Variants in CAPN5 observed in about 807,000 individuals in gnomAD.
The protein encoded by CAPN5 is calpain-5.
Under a neutral mutation model 73.0 loss-of-function variants are expected in CAPN5, and 54 were observed. That is an observed-to-expected ratio of 0.74 (90% CI 0.59 to 0.93). CAPN5 has a LOEUF of 0.93. Among genes scored for constraint, CAPN5 ranks in the 40% least tolerant of loss-of-function variants. CAPN5 has a pLI of 0.00. For synonymous variants in CAPN5, 335 were observed against 356.9 expected (o/e 0.94, Z 0.69); for missense variants, 785 against 882.9 (o/e 0.89, Z 1.41).
rs1451644184 is a variant in CAPN5 at position 77,124,903 on chromosome 11, C to G, written c.*1033C>G. ...CCACAGCCCCCCACCAACATTCCCC[C>G]AAAATGCAGCCTAGGAGGCCGCAGT... On this transcript the variant is annotated 3_prime_UTR_variant, in exon 13 of 13. Transcript: ENST00000648180. The G allele has an allele frequency of 1.9e-5, 3 of 153,846 alleles. No homozygotes were observed. The highest frequency in any genetic ancestry group is 4.8e-5 in the African/African-American group (2 of 41,496). The allele number at this position is 153,846 out of a possible 1,614,324, so 9.5% of individuals were successfully genotyped here.
At position 77,123,588 on chromosome 11, in the gene CAPN5, C is replaced by T. The variant is rs147258615; in HGVS notation, c.1741-100C>T. ...GGCCCCCGATCCTCAGCCAGGCTTG[C>T]ACTTCAAGGCCCTGCCACCACCACC... On this transcript the variant is annotated intron_variant, in intron 12 of 12. Coordinates refer to ENST00000648180, the MANE Select transcript of CAPN5 (RefSeq NM_004055.5). 1.1e-3 allele frequency: 1,098 copies of T among 987,806 alleles called. 12 individuals are homozygous for T. The African/African-American group carries it at 0.016, about 14-fold the overall frequency. 61.2% of individuals were successfully genotyped at this position (987,806 alleles called of 1,614,324 possible). A position where few individuals can be genotyped will look rare whatever the true frequency, so the allele number is the denominator to read the frequency against.
intron 3 of CAPN5, among the ~76,000 whole-genome samples, chr11:77,099,575 C>T (rs1262350643): frequency 2.0e-5 from 3 of 151,960 alleles, no homozygotes; most frequent in Non-Finnish European, 4.4e-5. Context: ...CAAAACCAGT[C>T]AGGCGTGGTG....
At chr11:77,122,787 GT>G in intron 12 of CAPN5, 75 bp downstream of exon 12, 1 of 1,589,034 alleles carries the variant, frequency 6.3e-7, no homozygotes, top group African/African-American at 1.3e-5. Flanking sequence ...ACAAGCCCAG[GT>G]GGAAGACCCT....
At chr11:77,107,596 G>T (rs2135466483) in intron 3 of CAPN5, among the ~76,000 whole-genome samples, 1 of 152,286 alleles carries the variant, frequency 6.6e-6, no homozygotes, top group South Asian at 2.1e-4. Flanking sequence ...GGGTCTAGGT[G>T]GGAGTCTCCA....
At chr11:77,085,493 G>A (rs539196139) in intron 2 of CAPN5, among the ~76,000 whole-genome samples, 17 of 152,246 alleles carry the variant, frequency 1.1e-4, no homozygotes, top group Non-Finnish European at 2.1e-4. Context: ...TTATTATGAT[G>A]ATTAATCAAT....
intron 3 of CAPN5, among the ~76,000 whole-genome samples, chr11:77,101,232 G>A (rs533163596): frequency 2.0e-5 from 3 of 152,278 alleles, no homozygotes; most frequent in Admixed American, 2.0e-4. Flanking sequence ...CTAGAGTAAT[G>A]ACAAGACACA....
At chr11:77,068,669 G>C (rs986646511) in intron 1 of CAPN5, among the ~76,000 whole-genome samples, 26 of 152,200 alleles carry the variant, frequency 1.7e-4, no homozygotes, top group Non-Finnish European at 2.1e-4. Context: ...GGAGGCCAAA[G>C]CAGGGAGAGG....
At chr11:77,119,001 T>TCC (rs1555042225) in intron 8 of CAPN5, 29 bp from the exon 9 acceptor site, 13 of 1,572,704 alleles carry the variant, frequency 8.3e-6, no homozygotes, top group South Asian at 4.6e-5. Flanking sequence ...CATTGCAGTG[T>TCC]CTCTCTCTCT....
At chr11:77,117,968 G>A (rs1950484522) in intron 7 of CAPN5, among the ~76,000 whole-genome samples, 189 bp from the exon 8 acceptor site, 1 of 152,220 alleles carries the variant, frequency 6.6e-6, no homozygotes, top group Non-Finnish European at 1.5e-5. Flanking sequence ...GAGGAAACAG[G>A]TCAAAAGAGA....
chr11:77,120,840 C>A lies in CAPN5; in HGVS notation c.1418C>A (p.Thr473Lys). ...QPEGRYVIIP[T>K]TFEPGHTGEF... The stretch of plus-strand genomic sequence containing the variant: ...GAGGGCCGCTATGTCATCATCCCCA[C>A]AACCTTCGAGCCAGGCCACACTGGC... Residue 473 changes from threonine (T) to lysine (K), a missense_variant, in exon 10 of 13, where the codon ACA (threonine) becomes AAA (lysine). Transcript: ENST00000648180. 6.2e-7 allele frequency: 1 copy of A among 1,614,204 alleles called. No individual in the cohort carries two copies.
At position 77,123,814 on chromosome 11, in the gene CAPN5, C is replaced by T. The variant is rs139133645; in HGVS notation, c.1867C>T (p.Leu623=). The change falls in exon 13 of 13, where the codon CTG becomes TTG. Residue 623 remains leucine (L), a synonymous_variant. Transcript: ENST00000648180. ...RDRNSRQPSN[L]PGTVAVHILS... ...CCGAAATAGCCGGCAGCCCAGCAACCTGCCAGGCACTGTGGCCGTGCACAT... is the reference window on the plus strand; with the variant it reads ...CCGAAATAGCCGGCAGCCCAGCAACTTGCCAGGCACTGTGGCCGTGCACAT... 1 of 1,613,930 alleles carries T rather than the reference C, an allele frequency of 6.2e-7. No homozygotes were observed. The highest frequency in any genetic ancestry group is 1.1e-5 in the South Asian group (1 of 91,070).
rs552456082 is a variant in CAPN5, at chr11:77,067,524, C to T, written c.-36+430C>T. ...CTTCTGGGTGCTCCACCACCCAGGC[C>T]TGGGGAAGGGGCAGGGCCGAGGCTC... On this transcript the variant is annotated intron_variant, in intron 1 of 12. Transcript: ENST00000648180. Among the ~76,000 whole-genome samples, 1,475 of 152,136 alleles carry T rather than the reference C, an allele frequency of 9.7e-3. 20 individuals are homozygous for T. Among genetic ancestry groups the T allele is most frequent in the African/African-American group, 0.034 (1,399 of 41,488 alleles).
In CAPN5 at chr11:77,084,830, GTCT is replaced by G. The variant is rs1383140181; in HGVS notation, c.-35-17_-35-15del. 17 of 1,608,366 alleles carry G rather than the reference GTCT, an allele frequency of 1.1e-5. No homozygotes were observed. The highest frequency in any genetic ancestry group is 1.4e-5 in the Non-Finnish European group (17 of 1,176,068). On this transcript the variant is annotated intron_variant, in intron 1 of 12. Coordinates refer to ENST00000648180, the MANE Select transcript of CAPN5 (RefSeq NM_004055.5). ...GGACCCAGGGACTCTGTGAGTGACC[GTCT>G]TCTTGCCTTCCTGTCCAGGTGTTCC...
chr11:77,124,106 C>A lies in CAPN5; in HGVS notation c.*236C>A. On this transcript the variant is annotated 3_prime_UTR_variant, in exon 13 of 13. Coordinates refer to ENST00000648180, the MANE Select transcript of CAPN5 (RefSeq NM_004055.5). ...TGAGATTTCAAATAGTCCTCCCCACCTCAACTGTCACCACTGCTAAGGGAC... is the reference window on the plus strand; with the variant it reads ...TGAGATTTCAAATAGTCCTCCCCACATCAACTGTCACCACTGCTAAGGGAC... The A allele has an allele frequency of 1.8e-6, 1 of 559,982 alleles. No homozygotes were observed. The highest frequency in any genetic ancestry group is 3.0e-5 in the East Asian group (1 of 33,760). The allele number at this position is 559,982 out of a possible 1,614,324, so 34.7% of individuals were successfully genotyped here. A position where few individuals can be genotyped will look rare whatever the true frequency, so the allele number is the denominator to read the frequency against.
chr11:77,086,631 GGAGGCCTTGGCCTCAAAGGGCCTTTGT>G (rs1950088689), intron 2 of CAPN5, among the ~76,000 whole-genome samples: 1 of 152,214 alleles, frequency 6.6e-6, no homozygotes, highest in African/African-American at 2.4e-5. Flanking sequence ...AGGTGGGGAG[GGAGGCCTTGGCCTCAAAGGGCCTTTGT>G]GAGGCCTTGG....
chr11:77,069,136 G>A (rs1159778635), intron 1 of CAPN5, among the ~76,000 whole-genome samples: 1 of 152,166 alleles, frequency 6.6e-6, no homozygotes, highest in Non-Finnish European at 1.5e-5. Flanking sequence ...GACCATCTCT[G>A]TACCTTCCTA....
intron 1 of CAPN5, chr11:77,073,227 C>A (rs781993523): frequency 9.8e-6 from 7 of 714,640 alleles, no homozygotes; most frequent in Non-Finnish European, 1.5e-5. Flanking sequence ...GCTGCTCACC[C>A]GAGGCTTGGC....
Position 77,120,731 on chromosome 11 carries a change from T to G in CAPN5, c.1309T>G (p.Tyr437Asp), listed in dbSNP as rs1383645426. The G allele has an allele frequency of 1.2e-6, 2 of 1,611,196 alleles. No individual in the cohort carries two copies. Among genetic ancestry groups the G allele is most frequent in the African/African-American group, 1.3e-5 (1 of 74,924 alleles). ...CCTGCAGGTGGAGGAGAACCGCCAG[T>G]ACCGCATGCACAGCCTGCAGCACAA... ...DIYKVEENRQ[Y>D]RMHSLQHKAA... Residue 437 changes from tyrosine to aspartate, a missense_variant, in exon 10 of 13, where the codon TAC becomes GAC. Tyr to Asp is a radical substitution (Grantham distance 160). Coordinates refer to ENST00000648180, the MANE Select transcript of CAPN5 (RefSeq NM_004055.5).
chr11:77,086,671 G>A (rs1456709273), intron 2 of CAPN5, among the ~76,000 whole-genome samples: 1 of 152,232 alleles, frequency 6.6e-6, no homozygotes, highest in African/African-American at 2.4e-5. Context: ...GGCCTTGGCT[G>A]TGGGGAGGAG....
Sources: gnomAD v4.1 joint callset for allele counts (sites outside exome capture counted in the v4.1 genomes callset) on GRCh38, gnomAD v4.1.1 for gene constraint, MANE v1.5 for transcripts, NCBI Gene and HGNC (gene_info 2026-07-23, HGNC 2026-07-21) for gene names.